The following EDIL3 variants were observed in gnomAD, a reference collection of about 807,000 sequenced individuals.
EDIL3 encodes the protein EGF-like repeat and discoidin I-like domain-containing protein 3.
A neutral mutation model predicts 67.4 loss-of-function variants in EDIL3; 37 were observed. That is an observed-to-expected ratio of 0.55 (90% CI 0.42 to 0.72). The LOEUF (loss-of-function observed/expected upper bound fraction) is 0.72. EDIL3 is among the 30% of genes least tolerant of loss of function. The pLI is 0.00. For synonymous variants in EDIL3, 195 were observed against 196.3 expected, an observed-to-expected ratio of 0.99 and a Z score of 0.05; for missense variants, 527 against 586.3, an observed-to-expected ratio of 0.90 and a Z score of 1.04.
intron 1 of EDIL3, among the ~76,000 whole-genome samples, chr5:84,282,651 T>C (rs149517312): frequency 1.6e-4 from 25 of 152,344 alleles, no homozygotes; most frequent in Non-Finnish European, 2.5e-4. Flanking sequence ...ATGATGTGTA[T>C]TTACTAAACT....
Position 84,137,184 on chromosome 5 carries a change from T to TATACACACACACACAC in EDIL3, c.469+56_469+57insGTGTGTGTGTGTGTAT, listed in dbSNP as rs533756025. On this transcript the variant is annotated intron_variant, in intron 5 of 10. Transcript: ENST00000296591. ...ATACATATATGTGTGTGTGTATACA[T>TATACACACACACACAC]ACACACACACACACACACACACACA... 3 of 835,706 alleles carry TATACACACACACACAC rather than the reference T, an allele frequency of 3.6e-6. No homozygotes were observed. The African/African-American group carries it at 5.3e-5, about 15-fold the overall frequency. 51.8% of individuals were successfully genotyped at this position (835,706 alleles called of 1,614,324 possible). A position where few individuals can be genotyped will look rare whatever the true frequency, so the allele number is the denominator to read the frequency against.
At chr5:84,153,756 C>T (rs1326540340) in intron 4 of EDIL3, among the ~76,000 whole-genome samples, 1 of 152,190 alleles carries the variant, frequency 6.6e-6, no homozygotes, top group African/African-American at 2.4e-5. Context: ...AGCCACCGCA[C>T]CCGGCCTTGT....
chr5:84,305,750 G>A (rs1208088947), intron 1 of EDIL3, among the ~76,000 whole-genome samples: 4 of 152,166 alleles, frequency 2.6e-5, no homozygotes, highest in Admixed American at 2.0e-4. Context: ...GTGGTGGCAC[G>A]TGCCTGTAAT....
intron 4 of EDIL3, among the ~76,000 whole-genome samples, chr5:84,143,765 C>T (rs959528902): frequency 1.3e-5 from 2 of 151,806 alleles, no homozygotes; most frequent in Non-Finnish European, 2.9e-5. Context: ...TATATATATG[C>T]AGAGGCCAGT....
At chr5:84,183,852 T>C (rs1749056487) in intron 3 of EDIL3, among the ~76,000 whole-genome samples, 1 of 152,162 alleles carries the variant, frequency 6.6e-6, no homozygotes, top group African/African-American at 2.4e-5. Context: ...ACGCCTGTAA[T>C]CCCAGCATCT....
intron 4 of EDIL3, among the ~76,000 whole-genome samples, chr5:84,145,528 T>C (rs1018028446): frequency 6.6e-6 from 1 of 152,106 alleles, no homozygotes. Flanking sequence ...TGAATAGATC[T>C]GCATTTTAGA....
chr5:84,142,018 T>A (rs39966), intron 4 of EDIL3, among the ~76,000 whole-genome samples: 1 of 142,980 alleles, frequency 7.0e-6, no homozygotes, highest in Non-Finnish European at 1.5e-5. Context: ...CACTCCTCCC[T>A]TAGGCAATTC....
chr5:84,200,632 T>C (rs1001292899), intron 3 of EDIL3, among the ~76,000 whole-genome samples: 1 of 152,060 alleles, frequency 6.6e-6, no homozygotes, highest in Admixed American at 6.6e-5. Flanking sequence ...TTTTGTGATA[T>C]ATTACATTTG....
At chr5:84,210,746 G>A (rs1211592350) in intron 3 of EDIL3, among the ~76,000 whole-genome samples, 1 of 152,138 alleles carries the variant, frequency 6.6e-6, no homozygotes, top group Non-Finnish European at 1.5e-5. Flanking sequence ...TCTACAGGCT[G>A]TATGTATGGT....
At chr5:84,214,290 T>C (rs974455131) in intron 3 of EDIL3, among the ~76,000 whole-genome samples, 2 of 152,128 alleles carry the variant, frequency 1.3e-5, no homozygotes, top group African/African-American at 2.4e-5. Flanking sequence ...TGTCCCTCAG[T>C]ATTTGTGGGG....
intron 1 of EDIL3, among the ~76,000 whole-genome samples, chr5:84,376,820 T>C (rs994569983): frequency 6.6e-6 from 1 of 152,142 alleles, no homozygotes. Context: ...AAGCCCTAGC[T>C]CAGTAGAAAG....
chr5:84,314,060 G>A lies in EDIL3; in HGVS notation c.68-59848C>T, dbSNP rs144934284. On this transcript the variant is annotated intron_variant, in intron 1 of 10. Coordinates refer to ENST00000296591, the MANE Select transcript of EDIL3 (RefSeq NM_005711.5). Reference sequence around the variant, plus strand: ...AAAATATAAAAATTAGCCAGGTGGGGTGGCACCTGCCTGTAATCCCAGCTA... The same window carrying A: ...AAAATATAAAAATTAGCCAGGTGGGATGGCACCTGCCTGTAATCCCAGCTA... 7.5e-3 allele frequency among the ~76,000 whole-genome samples: 1,149 copies of A among 152,224 alleles called. 9 individuals carry two copies. The highest frequency in any genetic ancestry group is 0.017 in the South Asian group (84 of 4,818).
intron 2 of EDIL3, among the ~76,000 whole-genome samples, chr5:84,242,211 G>A (rs577838025): frequency 2.0e-5 from 3 of 151,808 alleles, no homozygotes; most frequent in South Asian, 2.1e-4. Context: ...CAGCCTGCGC[G>A]GCAGAGCGAG....
chr5:84,304,752 A>C, intron 1 of EDIL3, among the ~76,000 whole-genome samples: 1 of 152,226 alleles, frequency 6.6e-6, no homozygotes, highest in East Asian at 1.9e-4. Context: ...TGAAAAAGTT[A>C]CTTAAAGGTG....
At chr5:84,166,669 A>C (rs1748709561) in intron 4 of EDIL3, among the ~76,000 whole-genome samples, 2 of 152,158 alleles carry the variant, frequency 1.3e-5, no homozygotes, top group African/African-American at 4.8e-5. Flanking sequence ...TGCTAAGAAA[A>C]TAAAGATGAG....
intron 4 of EDIL3, among the ~76,000 whole-genome samples, chr5:84,176,187 TATATATATATA>T (rs535633588): frequency 5.3e-4 from 20 of 37,744 alleles, no homozygotes; most frequent in African/African-American, 2.1e-3. Flanking sequence ...AAAAAATATA[TATATATATATA>T]ATATATATAT....
intron 1 of EDIL3, among the ~76,000 whole-genome samples, chr5:84,292,643 C>G (rs1745946505): frequency 6.6e-6 from 1 of 151,958 alleles, no homozygotes; most frequent in South Asian, 2.1e-4. Flanking sequence ...TGAATATATC[C>G]TACCATTAAA....
At chr5:84,081,549 G>GA (rs923871128) in intron 6 of EDIL3, among the ~76,000 whole-genome samples, 17 of 147,604 alleles carry the variant, frequency 1.2e-4, no homozygotes, top group East Asian at 3.9e-4. Flanking sequence ...TTACCAAAAA[G>GA]AAAAAAAAAA....
In EDIL3 at chr5:84,281,855, CTTTTTTTT is replaced by C. The variant is rs10708663; in HGVS notation, c.68-27651_68-27644del. Among the ~76,000 whole-genome samples the C allele has an allele frequency of 9.0e-3, 656 of 72,656 alleles. 1 individual carries two copies. The highest frequency in any genetic ancestry group is 0.014 in the Middle Eastern group (1 of 72). 47.7% of individuals were successfully genotyped at this position (72,656 alleles called of 152,430 possible). The stretch of plus-strand genomic sequence containing the variant: ...TTCAGCATATTCAACTTTTATTTCA[CTTTTTTTT>C]TTTTTTTTTTTTTTTTTGAGGTGGA... On this transcript the variant is annotated intron_variant, in intron 1 of 10. Transcript: ENST00000296591.
Sources: allele counts gnomAD v4.1 joint callset (sites outside exome capture counted in the v4.1 genomes callset), GRCh38; gene constraint gnomAD v4.1.1; transcripts MANE v1.5; gene names NCBI Gene and HGNC (gene_info 2026-07-23, HGNC 2026-07-21).